BMX: variants seen among roughly 807,000 people sequenced by gnomAD.
BMX encodes the protein BMX non-receptor tyrosine kinase.
Under a neutral mutation model 59.2 loss-of-function variants are expected in BMX, and 31 were observed. The ratio of observed to expected loss-of-function variants is 0.52; its 90% CI spans 0.39 to 0.71. The LOEUF (loss-of-function observed/expected upper bound fraction) is 0.71, where lower values mean the gene tolerates loss of function less well. Ranked by LOEUF, BMX falls within the 30% of genes least tolerant of loss-of-function variation. The pLI is 0.00. For missense variants in BMX, 474 were observed against 491.7 expected (o/e 0.96, Z 0.34); for synonymous variants, 185 against 181.0 (o/e 1.02, Z -0.18).
intron 10 of BMX, 45 bp from the exon 11 acceptor site, chrX:15,531,283 G>A: frequency 9.4e-7 from 1 of 1,066,910 alleles, no homozygotes; most frequent in South Asian, 1.9e-5. Flanking sequence ...TTTCAAGAAT[G>A]ATGAAAATAT....
At chrX:15,541,420 G>A (rs1925672919) in intron 14 of BMX, among the ~76,000 whole-genome samples, 1 of 110,498 alleles carries the variant, frequency 9.0e-6, no homozygotes, top group African/African-American at 3.3e-5. Flanking sequence ...TACCAGAAGT[G>A]CTACATCATA....
At chrX:15,527,248 ATATATATATATAT>A (rs1416370726) in intron 9 of BMX, among the ~76,000 whole-genome samples, 14 of 5,034 alleles carry the variant, frequency 2.8e-3, no homozygotes, top group Admixed American at 3.4e-3. Flanking sequence ...ACACACACAA[ATATATATATATAT>A]ATATATATAT....
At chrX:15,525,244 G>A in intron 7 of BMX, 44 bp from the exon 8 acceptor site, 4 of 1,100,930 alleles carry the variant, frequency 3.6e-6, no homozygotes, top group Non-Finnish European at 4.9e-6. Flanking sequence ...AAATTTATAA[G>A]TAGACATATG....
intron 5 of BMX, among the ~76,000 whole-genome samples, chrX:15,517,322 T>A (rs1287304637): frequency 8.9e-6 from 1 of 112,204 alleles, no homozygotes; most frequent in East Asian, 2.8e-4. Context: ...AGGAGTAATG[T>A]CTCCTTATGG....
At chrX:15,539,554 T>A (rs779540784) in intron 14 of BMX, among the ~76,000 whole-genome samples, 14 of 111,630 alleles carry the variant, frequency 1.3e-4, no homozygotes, top group Non-Finnish European at 1.7e-4. Context: ...AGATGAATAC[T>A]CCCAAGCTCA....
intron 3 of BMX, among the ~76,000 whole-genome samples, chrX:15,509,747 C>A (rs1923881244): frequency 9.0e-6 from 1 of 110,977 alleles, no homozygotes; most frequent in African/African-American, 3.3e-5. Context: ...CTATGGGGAA[C>A]AAAACACTGC....
chrX:15,522,521 A>C lies in BMX; in HGVS notation c.686A>C (p.Asn229Thr). The change falls in exon 7 of 19, where the codon AAC becomes ACC. Residue 229 changes from asparagine to threonine, a missense_variant. Asn to Thr is a moderately conservative substitution (Grantham distance 65). Transcript: ENST00000348343. ...NSKKIYGSQPNFNMQYIPRED... is the reference protein window; with the variant it reads ...NSKKIYGSQPTFNMQYIPRED... ...AAGAAAATCTATGGCTCCCAGCCAA[A>C]CTTCAACATGCAGTATATTCCAAGG... is the stretch of plus-strand genomic sequence containing the variant. 8.2e-7 allele frequency: 1 copy of C among 1,212,231 alleles called. No homozygotes were observed. The highest frequency in any genetic ancestry group is 1.1e-6 in the Non-Finnish European group (1 of 895,499).
chrX:15,556,200 T>C lies in BMX; in HGVS notation c.*53T>C. The stretch of plus-strand genomic sequence containing the variant: ...TGAATATAGATGCTGGCCAGCATTT[T>C]CATTCATTTTAAGGAAAGTAGCAAG... On this transcript the variant is annotated 3_prime_UTR_variant, in exon 19 of 19. Transcript: ENST00000348343. 1 of 1,073,394 alleles carries C rather than the reference T, an allele frequency of 9.3e-7. No individual in the cohort carries two copies. The highest frequency in any genetic ancestry group is 2.2e-5 in the South Asian group (1 of 46,140). The allele number at this position is 1,073,394 out of a possible 1,213,427, so 88.5% of individuals were successfully genotyped here.
At chrX:15,521,676 C>G (rs1924463191) in intron 6 of BMX, among the ~76,000 whole-genome samples, 1 of 111,270 alleles carries the variant, frequency 9.0e-6, no homozygotes, top group Non-Finnish European at 1.9e-5. Context: ...CCTCTACTCT[C>G]TAACCTCTGC....
intron 14 of BMX, among the ~76,000 whole-genome samples, chrX:15,538,842 T>TTTCTGCCAG (rs1925509512): frequency 9.0e-6 from 1 of 111,596 alleles, no homozygotes; most frequent in Non-Finnish European, 1.9e-5. Flanking sequence ...GCTATGTGAA[T>TTTCTGCCAG]ATAGGCCTTT....
intron 9 of BMX, among the ~76,000 whole-genome samples, chrX:15,529,450 A>T (rs1924958398): frequency 8.9e-6 from 1 of 112,447 alleles, no homozygotes; most frequent in South Asian, 3.7e-4. Context: ...CCTAAGTAGG[A>T]CATTCTGTCT....
At chrX:15,554,130 A>G (rs1926319120) in intron 18 of BMX, among the ~76,000 whole-genome samples, 1 of 112,511 alleles carries the variant, frequency 8.9e-6, no homozygotes, top group South Asian at 3.7e-4. Flanking sequence ...AAAAACAAGC[A>G]TATGTATAGA....
At chrX:15,555,370 G>T (rs1399712139) in intron 18 of BMX, among the ~76,000 whole-genome samples, 3 of 108,604 alleles carry the variant, frequency 2.8e-5, no homozygotes, top group Admixed American at 9.9e-5. Context: ...AACCACAGCT[G>T]GCTAATTTTT....
rs1924500879 is a variant in BMX at position 15,522,356 on chromosome X, C to T, written c.521C>T (p.Pro174Leu). Residue 174 changes from proline to leucine, a missense_variant, in exon 7 of 19, where the codon CCT (proline) becomes CTT (leucine). Pro to Leu is a moderately conservative substitution (Grantham distance 98). Transcript: ENST00000348343. ...TCTTCCCCTCCAAAGCTGAAGATACCTCGGGCAGTTCCTGTTCTCAAAATG... is the reference window on the plus strand; with the variant it reads ...TCTTCCCCTCCAAAGCTGAAGATACTTCGGGCAGTTCCTGTTCTCAAAATG... ...PTFPDRVLKI[P>L]RAVPVLKMDA... 8.3e-7 allele frequency: 1 copy of T among 1,211,228 alleles called. No individual in the cohort carries two copies. Among genetic ancestry groups the T allele is most frequent in the Non-Finnish European group, 1.1e-6 (1 of 895,270 alleles).
At position 15,549,886 on chromosome X, in the gene BMX, C is replaced by A. The variant is rs777387731; in HGVS notation, c.1842C>A (p.Asp614Glu). The change falls in exon 18 of 19, where the codon GAC becomes GAA. Residue 614 changes from aspartate to glutamate, a missense_variant. Physicochemically the swap from Asp to Glu is conservative, Grantham distance 45. Transcript: ENST00000348343. The part of the protein sequence containing the change: ...EVFSLGKQPY[D>E]LYDNSQVVLK... ...TCAGCCTGGGGAAGCAGCCCTATGA[C>A]TTGTATGACAACTCCCAGGTGGTTC... The A allele has an allele frequency of 5.0e-6, 6 of 1,210,226 alleles. No homozygotes were observed. The highest frequency in any genetic ancestry group is 2.3e-4 in the Middle Eastern group (1 of 4,349).
chrX:15,527,394 G>A (rs1454353364), intron 9 of BMX, among the ~76,000 whole-genome samples: 1 of 107,517 alleles, frequency 9.3e-6, no homozygotes, highest in Non-Finnish European at 1.9e-5. Flanking sequence ...AAATAAGAAC[G>A]TGTGGTCACC....
chrX:15,510,347 C>T (rs967913141), intron 3 of BMX, among the ~76,000 whole-genome samples: 1 of 111,313 alleles, frequency 9.0e-6, no homozygotes, highest in African/African-American at 3.3e-5. Context: ...ATACAATAAT[C>T]CAGTTGATTA....
intron 1 of BMX, among the ~76,000 whole-genome samples, chrX:15,502,219 G>A (rs1455653647): frequency 9.0e-6 from 1 of 111,533 alleles, no homozygotes; most frequent in Non-Finnish European, 1.9e-5. Context: ...GCAGGGATTC[G>A]AACCCAGCTC....
At chrX:15,525,780 A>G (rs1219329010) in intron 8 of BMX, among the ~76,000 whole-genome samples, 1 of 112,289 alleles carries the variant, frequency 8.9e-6, no homozygotes, top group Non-Finnish European at 1.9e-5. Context: ...AAAGAAATAT[A>G]AGTTCTTCTG....
Sources: allele counts gnomAD v4.1 joint callset (sites outside exome capture counted in the v4.1 genomes callset), GRCh38; gene constraint gnomAD v4.1.1; transcripts MANE v1.5; gene names NCBI Gene and HGNC (gene_info 2026-07-23, HGNC 2026-07-21).